Variants in GDI2 observed in about 807,000 individuals in gnomAD.
The protein encoded by GDI2 is GDP dissociation inhibitor 2.
In GDI2, 22 loss-of-function variants were observed where a neutral mutation model predicts 54.2. That is an observed-to-expected ratio of 0.41 (90% CI 0.29 to 0.58). The LOEUF is 0.58. GDI2 is among the 20% of genes least tolerant of loss of function. GDI2 has a pLI of 0.35. For synonymous variants in GDI2, 177 were observed against 182.1 expected (o/e 0.97, Z 0.23); for missense variants, 422 against 546.0 (o/e 0.77, Z 2.26).
rs1029236076 is a variant in GDI2 at position 5,808,458 on chromosome 10, G to C, written c.45+4756C>G. Among the ~76,000 whole-genome samples the C allele has an allele frequency of 3.3e-5, 5 of 152,140 alleles. 1 individual carries two copies. The highest frequency in any genetic ancestry group is 3.3e-4 in the Admixed American group (5 of 15,276). ...GGAGGCTGAGGCAGGCAGATCACCT[G>C]AGGTCAGGAGTTCAAAACCAGCCTG... On this transcript the variant is annotated intron_variant, in intron 1 of 10. Transcript: ENST00000380191.
intron 4 of GDI2, 121 bp downstream of exon 4, chr10:5,794,764 C>T: frequency 2.8e-6 from 2 of 713,632 alleles, no homozygotes; most frequent in Non-Finnish European, 4.9e-6. Context: ...CAGTGTCTGG[C>T]ACATGATAGA....
chr10:5,806,657 A>T (rs920741279), intron 1 of GDI2, among the ~76,000 whole-genome samples: 3 of 152,162 alleles, frequency 2.0e-5, no homozygotes, highest in African/African-American at 7.2e-5. Flanking sequence ...GTATTTTAAC[A>T]ACTACAAAAA....
chr10:5,785,181 G>A lies in GDI2; in HGVS notation c.680C>T (p.Pro227Leu), dbSNP rs1840846852. 1.2e-6 allele frequency: 2 copies of A among 1,612,262 alleles called. No homozygotes were observed. Among genetic ancestry groups the A allele is most frequent in the Non-Finnish European group, 1.7e-6 (2 of 1,178,924 alleles). The stretch of plus-strand genomic sequence containing the variant: ...GGGCAGTTCTCCAAGGCCATAGAGT[G>A]GATAAAGGTATGGGCTTTTGCCATA... ...ARYGKSPYLY[P>L]LYGLGELPQG... The change falls in exon 6 of 11, where the codon CCA (proline) becomes CTA (leucine). Residue 227 changes from proline to leucine, a missense_variant. Pro to Leu is a moderately conservative substitution (Grantham distance 98). Transcript: ENST00000380191.
chr10:5,809,008 G>A (rs1841434639), intron 1 of GDI2, among the ~76,000 whole-genome samples: 1 of 152,114 alleles, frequency 6.6e-6, no homozygotes, highest in South Asian at 2.1e-4. Context: ...ACTTTGGGAG[G>A]CCTAGGCGGG....
In GDI2 at chr10:5,785,842, A is replaced by G; in HGVS notation, c.587+10T>C. 1 of 1,514,652 alleles carries G rather than the reference A, an allele frequency of 6.6e-7. No individual in the cohort carries two copies. Among genetic ancestry groups the G allele is most frequent in the Non-Finnish European group, 9.1e-7 (1 of 1,102,064 alleles). The allele number at this position is 1,514,652 out of a possible 1,614,324, so 93.8% of individuals were successfully genotyped here. A position where few individuals can be genotyped will look rare whatever the true frequency, so the allele number is the denominator to read the frequency against. On this transcript the variant is annotated intron_variant, in intron 5 of 10. Transcript: ENST00000380191. Reference sequence around the variant, plus strand: ...AAGAAAAATACAAATCTAAAAACCAAAATACTTACTCATCAGTTCTGTAAA... The same window carrying G: ...AAGAAAAATACAAATCTAAAAACCAGAATACTTACTCATCAGTTCTGTAAA...
In GDI2 at chr10:5,773,124, T is replaced by C. The variant is rs73612451; in HGVS notation, c.819+718A>G. 5.4e-3 allele frequency among the ~76,000 whole-genome samples: 821 copies of C among 152,256 alleles called. 8 individuals are homozygous for C. The highest frequency in any genetic ancestry group is 0.018 in the African/African-American group (742 of 41,540). On this transcript the variant is annotated intron_variant, in intron 7 of 10. Coordinates refer to ENST00000380191, the MANE Select transcript of GDI2 (RefSeq NM_001494.4). ...CACCTACCAAACTCTGATCTCAAACTTTCCAGTGAGACCTAAATAACTGAA... is the reference window on the plus strand; with the variant it reads ...CACCTACCAAACTCTGATCTCAAACCTTCCAGTGAGACCTAAATAACTGAA...
rs1840561377 is a variant in GDI2, at chr10:5,774,041, T to C, written c.720-100A>G. ...ATGAGTTACAGACAATATACATTTG[T>C]TCAATTTCCTTCTAGAAAGATGTCA... On this transcript the variant is annotated intron_variant, in intron 6 of 10. Transcript: ENST00000380191. This position sits in a 1 kb window ranked among gnomAD's most constrained non-coding sequence, Gnocchi z 4.8. 3 of 575,132 alleles carry C rather than the reference T, an allele frequency of 5.2e-6. No homozygotes were observed. The highest frequency in any genetic ancestry group is 9.1e-6 in the Non-Finnish European group (3 of 330,916). 35.6% of individuals were successfully genotyped at this position (575,132 alleles called of 1,614,324 possible).
At chr10:5,804,572 C>T (rs1330487483) in intron 1 of GDI2, among the ~76,000 whole-genome samples, 3 of 152,144 alleles carry the variant, frequency 2.0e-5, no homozygotes, top group East Asian at 1.9e-4. Context: ...TAACTTTCTG[C>T]GTCTGACATT....
rs899506001 is a variant in GDI2 at position 5,768,465 on chromosome 10, T to C, written c.820-81A>G. 4.5e-6 allele frequency: 4 copies of C among 895,542 alleles called. No homozygotes were observed. The South Asian group carries it at 4.7e-5, about 11-fold the overall frequency. 55.5% of individuals were successfully genotyped at this position (895,542 alleles called of 1,614,324 possible). A position where few individuals can be genotyped will look rare whatever the true frequency, so the allele number is the denominator to read the frequency against. ...TCCCATGTTCATAGTTTGGAAGACT[T>C]AGTATTGTTAAGATATCAAAAACCA... is the stretch of plus-strand genomic sequence containing the variant. On this transcript the variant is annotated intron_variant, in intron 7 of 10. Transcript: ENST00000380191. The surrounding 1 kb of genome is among the most constrained non-coding windows in gnomAD (Gnocchi z 4.4).
chr10:5,790,469 C>A (rs1486348673), intron 4 of GDI2, among the ~76,000 whole-genome samples: 2 of 151,952 alleles, frequency 1.3e-5, no homozygotes, highest in East Asian at 3.9e-4. Context: ...CACGGTAAAA[C>A]CCTATCTCTA....
chr10:5,791,208 T>A (rs898667056), intron 4 of GDI2, among the ~76,000 whole-genome samples: 2 of 152,120 alleles, frequency 1.3e-5, no homozygotes, highest in African/African-American at 2.4e-5. Flanking sequence ...GGCAGGAGGA[T>A]CACTTGAGCC....
At chr10:5,800,123 T>G (rs1841235936) in intron 2 of GDI2, among the ~76,000 whole-genome samples, 1 of 152,034 alleles carries the variant, frequency 6.6e-6, no homozygotes, top group African/African-American at 2.4e-5. Flanking sequence ...AATCAATATA[T>G]TAAAACACAC....
intron 1 of GDI2, among the ~76,000 whole-genome samples, chr10:5,809,797 T>A (rs910031072): frequency 6.6e-6 from 1 of 152,214 alleles, no homozygotes; most frequent in African/African-American, 2.4e-5. Context: ...AATTGCAGTG[T>A]ATCACGCATG....
intron 1 of GDI2, among the ~76,000 whole-genome samples, chr10:5,808,495 GA>G (rs1174141038): frequency 1.3e-5 from 2 of 152,002 alleles, no homozygotes; most frequent in East Asian, 3.9e-4. Context: ...CCAACATGGT[GA>G]AACCCCATCG....
intron 1 of GDI2, among the ~76,000 whole-genome samples, chr10:5,806,611 A>C (rs1841386160): frequency 6.6e-6 from 1 of 151,978 alleles, no homozygotes; most frequent in African/African-American, 2.4e-5. Context: ...CTGCCTTTTC[A>C]CTTTCTTCAT....
At chr10:5,803,556 A>G (rs546291851) in intron 1 of GDI2, among the ~76,000 whole-genome samples, 1 of 152,348 alleles carries the variant, frequency 6.6e-6, no homozygotes, top group African/African-American at 2.4e-5. Context: ...CAACCTTTAT[A>G]AACAAAAGCT....
At chr10:5,797,315 G>C (rs1841167062) in intron 2 of GDI2, among the ~76,000 whole-genome samples, 1 of 152,064 alleles carries the variant, frequency 6.6e-6, no homozygotes, top group Non-Finnish European at 1.5e-5. Flanking sequence ...GGGAGGCCGA[G>C]GCGGGTGGAT....
At chr10:5,798,980 AAAAATAAAAAT>A (rs1487721976) in intron 2 of GDI2, among the ~76,000 whole-genome samples, 2 of 152,146 alleles carry the variant, frequency 1.3e-5, no homozygotes, top group Non-Finnish European at 2.9e-5. Flanking sequence ...TCAAAAAAAT[AAAAATAAAAAT>A]AAAATAAAAC....
intron 1 of GDI2, among the ~76,000 whole-genome samples, chr10:5,806,348 G>A (rs117476478): frequency 0.022 from 3,293 of 151,716 alleles, 57 homozygotes; most frequent in Non-Finnish European, 0.036. Flanking sequence ...GCCAAGGTGG[G>A]AGAATCGCTT....
Sources: allele counts gnomAD v4.1 joint callset (sites outside exome capture counted in the v4.1 genomes callset), GRCh38; gene constraint gnomAD v4.1.1; non-coding constraint Gnocchi (gnomAD v3.1); transcripts MANE v1.5; gene names NCBI Gene and HGNC (gene_info 2026-07-23, HGNC 2026-07-21).